MRTFA: variants seen among roughly 807,000 people sequenced by gnomAD.
MRTFA encodes the protein myocardin-related transcription factor A.
Under a neutral mutation model 83.5 loss-of-function variants are expected in MRTFA, and 20 were observed. The observed-to-expected ratio is 0.24, with a 90% CI of 0.17 to 0.35. The LOEUF (loss-of-function observed/expected upper bound fraction) is 0.35. Among genes scored for constraint, MRTFA ranks in the 10% least tolerant of loss-of-function variants. The pLI, the probability that MRTFA is intolerant of heterozygous loss-of-function variation, is 1.00. For missense variants in MRTFA, 1,200 were observed against 1,224.7 expected, an observed-to-expected ratio of 0.98 and a Z score of 0.30; for synonymous variants, 659 against 541.2, an observed-to-expected ratio of 1.22 and a Z score of -3.02.
chr22:40,620,423 C>CTTT (rs747409456), intron 1 of MRTFA, among the ~76,000 whole-genome samples: 15 of 94,194 alleles, frequency 1.6e-4, no homozygotes, highest in Admixed American at 2.5e-4. Context: ...AACATGCAGT[C>CTTT]TTTTTTTTTT....
intron 6 of MRTFA, 97 bp downstream of exon 6, chr22:40,431,308 G>A (rs2053065053): frequency 3.4e-6 from 4 of 1,172,728 alleles, no homozygotes; most frequent in Non-Finnish European, 5.1e-6. Context: ...CAACAGAAAT[G>A]GGAGAAGAAA....
chr22:40,602,499 C>T (rs2056271889), intron 1 of MRTFA, among the ~76,000 whole-genome samples: 1 of 152,096 alleles, frequency 6.6e-6, no homozygotes, highest in Admixed American at 6.6e-5. Flanking sequence ...GCAGTCACAG[C>T]AGGGCTAGGA....
At chr22:40,424,606 T>TCA (rs1459765549) in intron 7 of MRTFA, among the ~76,000 whole-genome samples, 1 of 152,204 alleles carries the variant, frequency 6.6e-6, no homozygotes, top group Non-Finnish European at 1.5e-5. Context: ...TCCTAGGCTA[T>TCA]CAGAGTGACC....
At chr22:40,465,458 CAAT>C (rs1255582203) in intron 3 of MRTFA, among the ~76,000 whole-genome samples, 6 of 152,166 alleles carry the variant, frequency 3.9e-5, no homozygotes, top group African/African-American at 1.2e-4. Context: ...GCAGGAGCTA[CAAT>C]AATAGCTGAC....
At chr22:40,462,161 T>C (rs1021837441) in intron 4 of MRTFA, among the ~76,000 whole-genome samples, 1 of 152,246 alleles carries the variant, frequency 6.6e-6, no homozygotes, top group Non-Finnish European at 1.5e-5. Context: ...GTTAATTTAC[T>C]TGATAGTACT....
At chr22:40,498,824 C>T in intron 3 of MRTFA, among the ~76,000 whole-genome samples, 1 of 152,132 alleles carries the variant, frequency 6.6e-6, no homozygotes, top group Non-Finnish European at 1.5e-5. Context: ...AATTTTAGCT[C>T]TTATCACCTG....
At chr22:40,509,086 C>G (rs1245715561) in intron 3 of MRTFA, among the ~76,000 whole-genome samples, 1 of 152,184 alleles carries the variant, frequency 6.6e-6, no homozygotes, top group Non-Finnish European at 1.5e-5. Flanking sequence ...CACAAAGCTG[C>G]CACAAATTGT....
chr22:40,447,999 G>A (rs549155268), intron 4 of MRTFA, among the ~76,000 whole-genome samples: 2 of 152,122 alleles, frequency 1.3e-5, no homozygotes, highest in African/African-American at 2.4e-5. Context: ...TCAAGCTAGC[G>A]AGACCCCATC....
At chr22:40,628,631 C>G (rs1227118357) in intron 1 of MRTFA, among the ~76,000 whole-genome samples, 1 of 151,458 alleles carries the variant, frequency 6.6e-6, no homozygotes, top group East Asian at 1.9e-4. Flanking sequence ...ACCAAACATA[C>G]CACAGAAGTA....
intron 2 of MRTFA, among the ~76,000 whole-genome samples, chr22:40,576,061 T>C (rs866822716): frequency 3.3e-5 from 5 of 150,458 alleles, no homozygotes; most frequent in African/African-American, 1.2e-4. Context: ...CGGAGTCTTG[T>C]TCTGTCTCCC....
chr22:40,455,098 C>G (rs758846886), intron 4 of MRTFA, among the ~76,000 whole-genome samples: 9 of 152,128 alleles, frequency 5.9e-5, no homozygotes, highest in Non-Finnish European at 1.0e-4. Context: ...CTGTGCCTGG[C>G]CTAAAACTCC....
At chr22:40,505,248 G>C (rs1167279062) in intron 3 of MRTFA, among the ~76,000 whole-genome samples, 3 of 152,180 alleles carry the variant, frequency 2.0e-5, no homozygotes, top group Non-Finnish European at 4.4e-5. Context: ...CTAGACTGTA[G>C]GGATCGACAT....
intron 1 of MRTFA, among the ~76,000 whole-genome samples, chr22:40,606,127 C>T (rs974315770): frequency 1.3e-5 from 2 of 152,012 alleles, no homozygotes; most frequent in African/African-American, 4.8e-5. Context: ...CCAAATCTGC[C>T]AGCTCTCAGA....
intron 3 of MRTFA, chr22:40,463,542 C>T: frequency 2.6e-6 from 1 of 384,566 alleles, no homozygotes; most frequent in Non-Finnish European, 4.7e-6. Context: ...CAGAGTCTTG[C>T]CTTTTGCTCA....
intron 3 of MRTFA, among the ~76,000 whole-genome samples, chr22:40,477,488 CA>C (rs1242437302): frequency 6.6e-6 from 1 of 151,984 alleles, no homozygotes; most frequent in Non-Finnish European, 1.5e-5. Context: ...TTTTTTTCCT[CA>C]ATTTTCTCAC....
chr22:40,467,327 G>C (rs1317113493), intron 3 of MRTFA, among the ~76,000 whole-genome samples: 1 of 152,076 alleles, frequency 6.6e-6, no homozygotes, highest in Non-Finnish European at 1.5e-5. Context: ...AATTCATTTT[G>C]TTTTATAATT....
intron 2 of MRTFA, among the ~76,000 whole-genome samples, chr22:40,571,921 CAAAAAAAA>C (rs557782525): frequency 1.0e-3 from 19 of 18,736 alleles, no homozygotes; most frequent in Admixed American, 5.6e-3. Context: ...AAGACTCTGT[CAAAAAAAA>C]AAAAAAAAAA....
intron 3 of MRTFA, 147 bp downstream of exon 3, chr22:40,551,959 C>G: frequency 2.7e-6 from 1 of 374,924 alleles, no homozygotes; most frequent in Non-Finnish European, 4.7e-6. Flanking sequence ...ACAATGATCA[C>G]TTTAACTTAC....
intron 3 of MRTFA, among the ~76,000 whole-genome samples, chr22:40,501,016 C>T (rs1168281583): frequency 1.6e-4 from 19 of 120,644 alleles, no homozygotes; most frequent in African/African-American, 4.9e-4. Flanking sequence ...GCTGGCCGGG[C>T]GGGGGGCTGA....
Sources: gnomAD v4.1 joint callset for allele counts (sites outside exome capture counted in the v4.1 genomes callset) on GRCh38, gnomAD v4.1.1 for gene constraint, MANE v1.5 for transcripts, NCBI Gene and HGNC (gene_info 2026-07-23, HGNC 2026-07-21) for gene names.